ABI3BP: variants seen among roughly 807,000 people sequenced by gnomAD.
The protein encoded by ABI3BP is ABI family member 3 binding protein.
In ABI3BP, 216 loss-of-function variants were observed where a neutral mutation model predicts 268.6. The observed-to-expected ratio is 0.80, with a 90% confidence interval of 0.72 to 0.90. The LOEUF is 0.90. Ranked by LOEUF, ABI3BP falls within the 40% of genes least tolerant of loss-of-function variation. ABI3BP has a pLI of 0.00. For missense variants in ABI3BP, 2,090 were observed against 2,182.4 expected (o/e 0.96, Z 0.84); for synonymous variants, 730 against 730.0 (o/e 1.00, Z 0.00).
At chr3:100,856,252 C>T (rs1464073883) in intron 14 of ABI3BP, among the ~76,000 whole-genome samples, 2 of 152,190 alleles carry the variant, frequency 1.3e-5, no homozygotes. Flanking sequence ...AACCAATCTA[C>T]TACTCCTTGG....
chr3:100,977,088 G>T (rs2086611437), intron 1 of ABI3BP, among the ~76,000 whole-genome samples: 1 of 152,116 alleles, frequency 6.6e-6, no homozygotes, highest in Non-Finnish European at 1.5e-5. Context: ...AAAGGTAATT[G>T]ATCCCAAAAT....
intron 50 of ABI3BP, among the ~76,000 whole-genome samples, 155 bp downstream of exon 50, chr3:100,808,006 A>T (rs1276284288): frequency 1.3e-5 from 2 of 151,984 alleles, no homozygotes; most frequent in Non-Finnish European, 1.5e-5. Flanking sequence ...TAGTAAGTCC[A>T]AAAAGAAATT....
chr3:100,811,347 C>A, intron 47 of ABI3BP, 70 bp from the exon 48 acceptor site: 2 of 1,127,168 alleles, frequency 1.8e-6, no homozygotes, highest in Non-Finnish European at 2.5e-6. Flanking sequence ...TTTTGAATAT[C>A]AAATTTTATT....
chr3:100,857,416 A>G (rs879474044), intron 14 of ABI3BP, among the ~76,000 whole-genome samples: 1 of 152,174 alleles, frequency 6.6e-6, no homozygotes, highest in South Asian at 2.1e-4. Flanking sequence ...CCTTATTTCC[A>G]TTTTATAGAT....
intron 63 of ABI3BP, among the ~76,000 whole-genome samples, chr3:100,761,352 C>A (rs1553455): frequency 0.26 from 39,104 of 151,958 alleles, 5,563 homozygotes; most frequent in East Asian, 0.51. Flanking sequence ...ACAAATGACA[C>A]CCCCTTCCCT....
chr3:100,877,295 C>A (rs141306480), intron 6 of ABI3BP, among the ~76,000 whole-genome samples: 1 of 152,196 alleles, frequency 6.6e-6, no homozygotes, highest in East Asian at 1.9e-4. Context: ...TATCCAATTG[C>A]TGCTGCTGCT....
At chr3:100,893,628 A>G (rs1473170065) in intron 4 of ABI3BP, among the ~76,000 whole-genome samples, 1 of 152,142 alleles carries the variant, frequency 6.6e-6, no homozygotes, top group Non-Finnish European at 1.5e-5. Context: ...AGAAGGGATG[A>G]GGACTGTGCA....
At chr3:100,754,909 TAAAA>T (rs1033192464) in intron 63 of ABI3BP, among the ~76,000 whole-genome samples, 1 of 152,154 alleles carries the variant, frequency 6.6e-6, no homozygotes, top group African/African-American at 2.4e-5. Context: ...ATTAAGTTAA[TAAAA>T]AAGATGGTTG....
chr3:100,950,065 G>A (rs952171559), intron 1 of ABI3BP, among the ~76,000 whole-genome samples: 1 of 152,136 alleles, frequency 6.6e-6, no homozygotes, highest in Admixed American at 6.6e-5. Flanking sequence ...AGTAAGGGTT[G>A]TTTTTGATCT....
chr3:100,775,467 A>G, intron 59 of ABI3BP, 132 bp from the exon 60 acceptor site: 2 of 1,166,230 alleles, frequency 1.7e-6, no homozygotes, highest in East Asian at 2.6e-5. Context: ...CTTGGAGAGA[A>G]AACAAGACCT....
At chr3:100,862,197 G>T in intron 14 of ABI3BP, 114 bp downstream of exon 14, 1 of 752,768 alleles carries the variant, frequency 1.3e-6, no homozygotes, top group Non-Finnish European at 2.1e-6. Flanking sequence ...ATGTATGATA[G>T]ATTTTCCATT....
intron 62 of ABI3BP, 150 bp downstream of exon 62, chr3:100,770,593 C>A: frequency 1.8e-6 from 1 of 541,438 alleles, no homozygotes; most frequent in Non-Finnish European, 2.9e-6. Flanking sequence ...ACATTGTTGA[C>A]AATAATGTGC....
chr3:100,776,852 A>G (rs1004871380), intron 59 of ABI3BP, among the ~76,000 whole-genome samples: 4 of 152,194 alleles, frequency 2.6e-5, no homozygotes, highest in African/African-American at 4.8e-5. Flanking sequence ...AAGGCCATCA[A>G]ACAGCTCCTT....
intron 6 of ABI3BP, among the ~76,000 whole-genome samples, chr3:100,877,815 G>C (rs2099176876): frequency 6.6e-6 from 1 of 152,182 alleles, no homozygotes; most frequent in South Asian, 2.1e-4. Context: ...CTGCTTACCA[G>C]ATAGGTGTTT....
At chr3:100,963,791 C>T (rs1006125561) in intron 1 of ABI3BP, among the ~76,000 whole-genome samples, 67 of 152,286 alleles carry the variant, frequency 4.4e-4, no homozygotes, top group Admixed American at 1.9e-3. Flanking sequence ...GCTGGTCTCT[C>T]TCCTAGGGAG....
At chr3:100,875,051 A>T (rs1285753293) in intron 8 of ABI3BP, 118 bp from the exon 9 acceptor site, 3 of 551,678 alleles carry the variant, frequency 5.4e-6, no homozygotes, top group East Asian at 3.0e-5. Flanking sequence ...TGCTTAGTAA[A>T]TTTTAACCCA....
intron 1 of ABI3BP, among the ~76,000 whole-genome samples, chr3:100,943,386 T>G (rs756419859): frequency 2.2e-4 from 33 of 152,124 alleles, no homozygotes; most frequent in Non-Finnish European, 8.8e-5. Flanking sequence ...TAAAGTTTAA[T>G]ATTTATTTAT....
In ABI3BP at chr3:100,883,424, T is replaced by C. The variant is rs1416644852; in HGVS notation, c.696+2112A>G. 6.6e-5 allele frequency among the ~76,000 whole-genome samples: 10 copies of C among 152,258 alleles called. No homozygotes were observed. In the South Asian group the frequency reaches 1.7e-3, roughly 25 times the overall value. ...CATCAACAGGTCAATGTTTCTTTAG[T>C]GTATACAGTCTTAGACTATATAGTT... On this transcript the variant is annotated intron_variant, in intron 6 of 67. Coordinates refer to ENST00000471714, the MANE Select transcript of ABI3BP (RefSeq NM_001375547.2).
intron 20 of ABI3BP, among the ~76,000 whole-genome samples, chr3:100,842,769 T>C (rs931077324): frequency 2.2e-4 from 34 of 152,320 alleles, no homozygotes; most frequent in Admixed American, 2.0e-3. Flanking sequence ...ATATTTGGGC[T>C]TAAAAAAAGA....
Sources: allele counts gnomAD v4.1 joint callset (sites outside exome capture counted in the v4.1 genomes callset), GRCh38; gene constraint gnomAD v4.1.1; transcripts MANE v1.5; gene names NCBI Gene and HGNC (gene_info 2026-07-23, HGNC 2026-07-21).